The following CCSER1 variants were observed in gnomAD, a reference collection of about 807,000 sequenced individuals.
CCSER1 encodes the protein serine-rich coiled-coil domain-containing protein 1.
CCSER1 carries 41 observed loss-of-function variants against 82.0 expected under a neutral mutation model. The ratio of observed to expected loss-of-function variants is 0.50; its 90% CI spans 0.39 to 0.65. The LOEUF (loss-of-function observed/expected upper bound fraction) is 0.65, where lower values mean the gene tolerates loss of function less well. CCSER1 is among the 30% of genes least tolerant of loss of function. The pLI, the probability that CCSER1 is intolerant of heterozygous loss-of-function variation, is 0.00. For synonymous variants in CCSER1, 414 were observed against 383.9 expected (o/e 1.08, Z -0.92); for missense variants, 1,119 against 1,064.2 (o/e 1.05, Z -0.72).
At chr4:90,257,536 G>A (rs954106605) in intron 1 of CCSER1, among the ~76,000 whole-genome samples, 27 of 92,788 alleles carry the variant, frequency 2.9e-4, no homozygotes, top group East Asian at 1.8e-3. Flanking sequence ...GATACAGATA[G>A]ATAGATAGAT....
intron 10 of CCSER1, among the ~76,000 whole-genome samples, chr4:91,088,715 T>C (rs1007825536): frequency 2.0e-5 from 3 of 151,284 alleles, no homozygotes; most frequent in Non-Finnish European, 4.4e-5. Context: ...AAAAGGGAGA[T>C]TAGTAGAATG....
chr4:91,176,006 T>C (rs1670947854), intron 10 of CCSER1, among the ~76,000 whole-genome samples: 1 of 152,224 alleles, frequency 6.6e-6, no homozygotes, highest in African/African-American at 2.4e-5. Flanking sequence ...TTGTTTAAGG[T>C]GTAAGGAAGG....
At chr4:90,346,915 A>G (rs1579307759) in intron 3 of CCSER1, among the ~76,000 whole-genome samples, 1 of 152,252 alleles carries the variant, frequency 6.6e-6, no homozygotes, top group East Asian at 1.9e-4. Context: ...TACAGTAGAC[A>G]ACATATTTAC....
chr4:91,575,167 A>G (rs987784966), intron 10 of CCSER1, among the ~76,000 whole-genome samples: 12 of 152,020 alleles, frequency 7.9e-5, no homozygotes, highest in Admixed American at 7.2e-4. Context: ...TCCATGTGCA[A>G]GTAAAAAGTG....
At chr4:90,552,369 T>C (rs1777625512) in intron 5 of CCSER1, among the ~76,000 whole-genome samples, 1 of 152,240 alleles carries the variant, frequency 6.6e-6, no homozygotes, top group South Asian at 2.1e-4. Context: ...GATTAAAATA[T>C]AAAAATATTA....
chr4:91,438,128 G>C (rs1380832373), intron 10 of CCSER1, among the ~76,000 whole-genome samples: 1 of 152,220 alleles, frequency 6.6e-6, no homozygotes, highest in Non-Finnish European at 1.5e-5. Context: ...GAAGAGAGCA[G>C]TGGTTCTCCC....
intron 10 of CCSER1, among the ~76,000 whole-genome samples, chr4:91,377,054 C>T (rs972408796): frequency 1.3e-5 from 2 of 152,126 alleles, no homozygotes; most frequent in Non-Finnish European, 2.9e-5. Context: ...CCAGCTTCAT[C>T]CATGTCCCTA....
In CCSER1 at chr4:90,582,180, G is replaced by A. The variant is rs79396885; in HGVS notation, c.1725-45845G>A. Among the ~76,000 whole-genome samples, 1,177 of 152,040 alleles carry A rather than the reference G, an allele frequency of 7.7e-3. 12 individuals carry two copies. Among genetic ancestry groups the A allele is most frequent in the African/African-American group, 0.026 (1,091 of 41,464 alleles). On this transcript the variant is annotated intron_variant, in intron 5 of 10. Transcript: ENST00000509176. Reference sequence around the variant, plus strand: ...ACTCTCTGTAAATCATATTGTTAGCGTAAACTATCTGATCAAACTTGTATT... The same window carrying A: ...ACTCTCTGTAAATCATATTGTTAGCATAAACTATCTGATCAAACTTGTATT...
At chr4:91,016,476 A>G (rs1386003582) in intron 9 of CCSER1, among the ~76,000 whole-genome samples, 2 of 151,994 alleles carry the variant, frequency 1.3e-5, no homozygotes, top group Admixed American at 6.6e-5. Context: ...TAACTTCCTT[A>G]TTATTATCAT....
rs185340123 is a variant in CCSER1, at chr4:91,246,493, C to T, written c.2217+160499C>T. On this transcript the variant is annotated intron_variant, in intron 10 of 10. Coordinates refer to ENST00000509176, the MANE Select transcript of CCSER1 (RefSeq NM_001145065.2). ...GAAGACTGGAGATTCCTCAAAAAAA[C>T]TAAAAAGTGAGCTACCATATGATCC... is the stretch of plus-strand genomic sequence containing the variant. Among the ~76,000 whole-genome samples, 179 of 152,216 alleles carry T rather than the reference C, an allele frequency of 1.2e-3. 1 individual carries two copies. The highest frequency in any genetic ancestry group is 8.3e-3 in the Admixed American group (127 of 15,286).
Position 90,511,564 on chromosome 4 carries a change from G to T in CCSER1, c.1724+43210G>T, listed in dbSNP as rs191031905. 1.3e-3 allele frequency among the ~76,000 whole-genome samples: 198 copies of T among 152,266 alleles called. 1 individual carries two copies. The highest frequency in any genetic ancestry group is 4.3e-3 in the African/African-American group (179 of 41,560). The stretch of plus-strand genomic sequence containing the variant: ...TAGGAAACCCTCAACCAGTTTTGTT[G>T]TAAAGTGGAATAGATAAATGAGGCA... On this transcript the variant is annotated intron_variant, in intron 5 of 10. Coordinates refer to ENST00000509176, the MANE Select transcript of CCSER1 (RefSeq NM_001145065.2).
chr4:90,165,548 G>A (rs919957051), intron 1 of CCSER1, among the ~76,000 whole-genome samples: 7 of 151,872 alleles, frequency 4.6e-5, no homozygotes, highest in Admixed American at 3.3e-4. Flanking sequence ...CTCTTATTGG[G>A]CAGTGTGTTA....
intron 10 of CCSER1, among the ~76,000 whole-genome samples, chr4:91,207,950 G>A (rs1400826488): frequency 6.6e-6 from 1 of 151,918 alleles, no homozygotes; most frequent in Non-Finnish European, 1.5e-5. Context: ...ATGTCATTGT[G>A]GTTTTGATTT....
chr4:91,338,683 GA>G (rs963468958), intron 10 of CCSER1, among the ~76,000 whole-genome samples: 2 of 152,196 alleles, frequency 1.3e-5, no homozygotes, highest in South Asian at 2.1e-4. Context: ...GTAGGAATTA[GA>G]AAACAAATTA....
At chr4:91,493,452 A>C (rs554544176) in intron 10 of CCSER1, among the ~76,000 whole-genome samples, 2,821 of 151,978 alleles carry the variant, frequency 0.019, 76 homozygotes, top group African/African-American at 0.061. Context: ...TATTATGAAA[A>C]AAAATATGAA....
intron 9 of CCSER1, among the ~76,000 whole-genome samples, chr4:91,014,723 A>G (rs1739279051): frequency 6.6e-6 from 1 of 152,210 alleles, no homozygotes; most frequent in South Asian, 2.1e-4. Context: ...CTTCACACAT[A>G]ATCTTAAATG....
intron 6 of CCSER1, among the ~76,000 whole-genome samples, chr4:90,650,110 G>A (rs562642626): frequency 7.2e-5 from 11 of 152,156 alleles, no homozygotes; most frequent in East Asian, 1.9e-4. Context: ...CCAGCTACTC[G>A]GGAGGCTGAG....
intron 9 of CCSER1, among the ~76,000 whole-genome samples, chr4:90,984,500 A>C (rs1033475841): frequency 6.6e-6 from 1 of 151,662 alleles, no homozygotes; most frequent in African/African-American, 2.4e-5. Flanking sequence ...CAAAGAAGAC[A>C]ACTTCACACC....
At chr4:91,003,229 T>C (rs1314290409) in intron 9 of CCSER1, among the ~76,000 whole-genome samples, 1 of 152,086 alleles carries the variant, frequency 6.6e-6, no homozygotes, top group Non-Finnish European at 1.5e-5. Context: ...GTGGGCCTCC[T>C]GCCAGGAGCT....
Sources: gnomAD v4.1 joint callset for allele counts (sites outside exome capture counted in the v4.1 genomes callset) on GRCh38, gnomAD v4.1.1 for gene constraint, MANE v1.5 for transcripts, NCBI Gene and HGNC (gene_info 2026-07-23, HGNC 2026-07-21) for gene names.